Variants in HTR4 observed in about 807,000 individuals in gnomAD.
The protein encoded by HTR4 is 5-hydroxytryptamine receptor 4, also known as 5-hydroxytryptamine (serotonin) receptor 4, G protein-coupled.
HTR4 carries 16 observed loss-of-function variants against 36.8 expected under a neutral mutation model. That is an observed-to-expected ratio of 0.43 (90% CI 0.29 to 0.66). The LOEUF is 0.66. Among genes scored for constraint, HTR4 ranks in the 30% least tolerant of loss-of-function variants. The pLI, the probability that HTR4 is intolerant of heterozygous loss-of-function variation, is 0.13. For missense variants in HTR4, 438 were observed against 490.9 expected (o/e 0.89, Z 1.02); for synonymous variants, 189 against 185.1 (o/e 1.02, Z -0.17).
chr5:148,524,683 A>T (rs1368389), intron 4 of HTR4, among the ~76,000 whole-genome samples: 2,195 of 152,302 alleles, frequency 0.014, 56 homozygotes, highest in African/African-American at 0.05. Flanking sequence ...CAAAATAGAA[A>T]TGCAAAAAGA....
intron 6 of HTR4, among the ~76,000 whole-genome samples, chr5:148,492,992 C>CCT (rs1405312379): frequency 6.6e-6 from 1 of 152,190 alleles, no homozygotes; most frequent in Non-Finnish European, 1.5e-5. Context: ...AACACATTAG[C>CCT]CTAGAAGTGG....
chr5:148,479,769 T>G (rs556402744), downstream of HTR4, among the ~76,000 whole-genome samples: 7 of 152,324 alleles, frequency 4.6e-5, no homozygotes, highest in Middle Eastern at 3.4e-3. Context: ...ATTAGAGAAT[T>G]AAGTTTCATG....
chr5:148,507,556 C>T (rs1225354051), intron 6 of HTR4, among the ~76,000 whole-genome samples: 1 of 146,708 alleles, frequency 6.8e-6, no homozygotes, highest in Non-Finnish European at 1.5e-5. Flanking sequence ...GGTAATTGTA[C>T]TCATACCATA....
intron 5 of HTR4, among the ~76,000 whole-genome samples, chr5:148,522,976 T>C (rs754929338): frequency 1.9e-4 from 29 of 152,024 alleles, no homozygotes; most frequent in Non-Finnish European, 3.7e-4. Context: ...AGTCAAGACC[T>C]AGATGGGACA....
intron 2 of HTR4, among the ~76,000 whole-genome samples, chr5:148,573,964 T>C (rs1217194049): frequency 9.2e-5 from 14 of 152,050 alleles, no homozygotes; most frequent in Admixed American, 9.2e-4. Flanking sequence ...GTACCAGATA[T>C]TTGGAGAAAA....
chr5:148,567,268 C>T (rs1028217046), intron 2 of HTR4, among the ~76,000 whole-genome samples: 1 of 152,102 alleles, frequency 6.6e-6, no homozygotes, highest in Non-Finnish European at 1.5e-5. Flanking sequence ...CAACTTTGTC[C>T]TGAATCTAAC....
At chr5:148,511,766 C>T (rs1757510993) in intron 5 of HTR4, among the ~76,000 whole-genome samples, 1 of 152,010 alleles carries the variant, frequency 6.6e-6, no homozygotes, top group African/African-American at 2.4e-5. Flanking sequence ...TATATTTCCA[C>T]CACGAGAGCA....
intron 6 of HTR4, chr5:148,490,836 C>A (rs1756383754): frequency 1.8e-6 from 1 of 562,854 alleles, no homozygotes; most frequent in East Asian, 6.7e-5. Flanking sequence ...TTCCTGTTTC[C>A]TCTAACAGCC....
intron 5 of HTR4, among the ~76,000 whole-genome samples, chr5:148,467,192 G>T (rs1755451144): frequency 6.6e-6 from 1 of 152,134 alleles, no homozygotes; most frequent in African/African-American, 2.4e-5. Flanking sequence ...CAATTAAGCG[G>T]TGTTGAATGT....
chr5:148,549,455 C>G (rs1759571060), intron 3 of HTR4, among the ~76,000 whole-genome samples: 1 of 152,152 alleles, frequency 6.6e-6, no homozygotes, highest in African/African-American at 2.4e-5. Context: ...GTTATACCCT[C>G]TTATGGCCCA....
intron 5 of HTR4, among the ~76,000 whole-genome samples, chr5:148,463,237 A>G (rs1159051322): frequency 7.1e-6 from 1 of 139,918 alleles, no homozygotes; most frequent in African/African-American, 2.8e-5. Context: ...CAGTGGTACA[A>G]TCTTGGCTCA....
At chr5:148,502,435 G>C (rs944420238) in intron 6 of HTR4, among the ~76,000 whole-genome samples, 10 of 152,310 alleles carry the variant, frequency 6.6e-5, no homozygotes, top group African/African-American at 2.4e-5. Context: ...GCATCTGAAG[G>C]TCCTGACTGT....
chr5:148,496,237 A>G (rs1444723486), intron 6 of HTR4, among the ~76,000 whole-genome samples: 1 of 152,326 alleles, frequency 6.6e-6, no homozygotes, highest in East Asian at 1.9e-4. Context: ...GTTAATATGC[A>G]TAACAGTCAT....
At chr5:148,633,078 G>A (rs1439038208) in intron 2 of HTR4, among the ~76,000 whole-genome samples, 1 of 152,152 alleles carries the variant, frequency 6.6e-6, no homozygotes, top group African/African-American at 2.4e-5. Flanking sequence ...AAACAGATCA[G>A]GTGGGTGTCA....
chr5:148,518,033 A>G (rs1581413677), intron 5 of HTR4, among the ~76,000 whole-genome samples: 2 of 152,062 alleles, frequency 1.3e-5, no homozygotes, highest in South Asian at 4.2e-4. Flanking sequence ...AGCACTTTGC[A>G]CTTGCTATTT....
chr5:148,588,108 T>A (rs767900798), intron 2 of HTR4, among the ~76,000 whole-genome samples: 1 of 152,106 alleles, frequency 6.6e-6, no homozygotes, highest in African/African-American at 2.4e-5. Context: ...GCTCGTAAGA[T>A]TGAGATCTAA....
At chr5:148,478,185 A>T (rs1395714719), downstream of HTR4, among the ~76,000 whole-genome samples, 5 of 152,204 alleles carry the variant, frequency 3.3e-5, no homozygotes, top group African/African-American at 1.2e-4. Context: ...CTGTTGAGAG[A>T]ATTAAACTAT....
chr5:148,467,260 C>A (rs187913606), intron 5 of HTR4, among the ~76,000 whole-genome samples: 1 of 152,244 alleles, frequency 6.6e-6, no homozygotes, highest in Non-Finnish European at 1.5e-5. Context: ...TACACATCAC[C>A]AATATCTGGC....
rs1450632669 is a variant in HTR4 at position 148,633,380 on chromosome 5, TTC to T, written c.26+3607_26+3608del. Among the ~76,000 whole-genome samples the T allele has an allele frequency of 2.3e-5, 3 of 130,594 alleles. No individual in the cohort carries two copies. The East Asian group carries it at 8.0e-4, about 35-fold the overall frequency. The allele number at this position is 130,594 out of a possible 152,430, so 85.7% of individuals were successfully genotyped here. On this transcript the variant is annotated intron_variant, in intron 2 of 6. Coordinates refer to ENST00000377888, the MANE Select transcript of HTR4 (RefSeq NM_000870.7). ...CATTGTATGTATCTTACTATTAGAA[TTC>T]TTTTTTTTTTATTATACTTTAAGTT... is the stretch of plus-strand genomic sequence containing the variant.
Sources: allele counts gnomAD v4.1 joint callset (sites outside exome capture counted in the v4.1 genomes callset), GRCh38; gene constraint gnomAD v4.1.1; transcripts MANE v1.5; gene names NCBI Gene and HGNC (gene_info 2026-07-23, HGNC 2026-07-21).